KSR2: variants seen among roughly 807,000 people sequenced by gnomAD.
The protein encoded by KSR2 is kinase suppressor of ras 2.
Under a neutral mutation model 107.8 loss-of-function variants are expected in KSR2, and 25 were observed. That is an observed-to-expected ratio of 0.23 (90% CI 0.17 to 0.32). The LOEUF is 0.32. KSR2 is among the 10% of genes least tolerant of loss of function. KSR2 has a pLI of 1.00. For missense variants in KSR2, 887 were observed against 1,268.9 expected (o/e 0.70, Z 4.57); for synonymous variants, 480 against 507.0 (o/e 0.95, Z 0.71).
At chr12:117,572,794 A>C (rs969788884) in intron 7 of KSR2, among the ~76,000 whole-genome samples, 1 of 152,022 alleles carries the variant, frequency 6.6e-6, no homozygotes, top group East Asian at 1.9e-4. Context: ...CACGTTGTGC[A>C]TTTTCCTGCA....
At chr12:117,692,996 G>C (rs749125300) in intron 4 of KSR2, among the ~76,000 whole-genome samples, 4 of 152,192 alleles carry the variant, frequency 2.6e-5, no homozygotes, top group Non-Finnish European at 5.9e-5. Flanking sequence ...GTGCAACACT[G>C]TGACTGTACC....
intron 4 of KSR2, among the ~76,000 whole-genome samples, chr12:117,750,977 T>C (rs1342370024): frequency 6.6e-6 from 1 of 152,162 alleles, no homozygotes; most frequent in Non-Finnish European, 1.5e-5. Context: ...TAAGAGTACA[T>C]GTGAAGCTGT....
At chr12:117,922,417 C>T (rs1895371584) in intron 1 of KSR2, among the ~76,000 whole-genome samples, 1 of 152,198 alleles carries the variant, frequency 6.6e-6, no homozygotes, top group Admixed American at 6.5e-5. Context: ...GCACCGTTCA[C>T]ATATATTAGC....
chr12:117,814,657 G>A (rs1237372291), intron 3 of KSR2, among the ~76,000 whole-genome samples: 3 of 152,180 alleles, frequency 2.0e-5, no homozygotes, highest in African/African-American at 7.2e-5. Flanking sequence ...CCTCCACAGA[G>A]GCTCCATTCA....
intron 8 of KSR2, among the ~76,000 whole-genome samples, chr12:117,555,822 G>C (rs560069007): frequency 5.5e-4 from 84 of 152,316 alleles, no homozygotes; most frequent in African/African-American, 1.9e-3. Context: ...CTAAATAAAT[G>C]CTTCCTGATC....
chr12:117,480,521 G>A (rs1049926409), intron 16 of KSR2, among the ~76,000 whole-genome samples: 4 of 152,208 alleles, frequency 2.6e-5, no homozygotes, highest in African/African-American at 2.4e-5. Flanking sequence ...CGGCAGAACA[G>A]CTGGATGCTG....
At chr12:117,886,109 A>C (rs533689733) in intron 1 of KSR2, among the ~76,000 whole-genome samples, 3,546 of 151,302 alleles carry the variant, frequency 0.023, 139 homozygotes, top group African/African-American at 0.081. Flanking sequence ...AAAAAAAAAA[A>C]CCTGCACATT....
intron 1 of KSR2, among the ~76,000 whole-genome samples, chr12:117,930,942 A>C (rs1479328552): frequency 6.6e-6 from 1 of 152,092 alleles, no homozygotes; most frequent in East Asian, 1.9e-4. Flanking sequence ...ATAAATAAAT[A>C]AATAGGGTTG....
intron 4 of KSR2, among the ~76,000 whole-genome samples, chr12:117,679,280 A>C (rs921861579): frequency 1.2e-4 from 18 of 152,228 alleles, no homozygotes; most frequent in African/African-American, 4.3e-4. Flanking sequence ...TCCAGGTACC[A>C]GCTCCCCATG....
At chr12:117,580,833 G>A (rs1218767991) in intron 6 of KSR2, among the ~76,000 whole-genome samples, 1 of 151,910 alleles carries the variant, frequency 6.6e-6, no homozygotes, top group Non-Finnish European at 1.5e-5. Flanking sequence ...GGGCCGAGCT[G>A]AGCCAGAGGA....
intron 4 of KSR2, among the ~76,000 whole-genome samples, chr12:117,698,219 T>C (rs1886151431): frequency 6.6e-6 from 1 of 152,210 alleles, no homozygotes; most frequent in Admixed American, 6.5e-5. Flanking sequence ...TTATGGTACT[T>C]TGTTACAGCA....
Position 117,761,977 on chromosome 12 carries a change from C to T in KSR2, c.473-453G>A, listed in dbSNP as rs1889053044. Among the ~76,000 whole-genome samples the T allele has an allele frequency of 2.6e-5, 4 of 152,162 alleles. No individual in the cohort carries two copies. In the South Asian group the frequency reaches 6.2e-4, roughly 24 times the overall value. Reference sequence around the variant, plus strand: ...TGCATGTTACATCATACCCACATTACATCATAAGTACATTTACATAAAGCC... The same window carrying T: ...TGCATGTTACATCATACCCACATTATATCATAAGTACATTTACATAAAGCC... On this transcript the variant is annotated intron_variant, in intron 3 of 19. Transcript: ENST00000339824.
chr12:117,634,368 A>G (rs1882953400), intron 5 of KSR2, among the ~76,000 whole-genome samples: 1 of 152,208 alleles, frequency 6.6e-6, no homozygotes, highest in Admixed American at 6.5e-5. Context: ...AAGCCATTGC[A>G]TGCATCAGAT....
chr12:117,651,828 A>G (rs55687038), intron 5 of KSR2, among the ~76,000 whole-genome samples: 14,098 of 152,182 alleles, frequency 0.093, 963 homozygotes, highest in East Asian at 0.3. Context: ...CAGCACCTAC[A>G]TCTTTGAAGA....
chr12:117,916,268 C>G (rs1024173863), intron 1 of KSR2, among the ~76,000 whole-genome samples: 1 of 151,396 alleles, frequency 6.6e-6, no homozygotes, highest in African/African-American at 2.4e-5. Context: ...TCTTGAGTAG[C>G]CGGGACCACA....
At chr12:117,831,579 G>A (rs1217925110) in intron 3 of KSR2, among the ~76,000 whole-genome samples, 3 of 152,178 alleles carry the variant, frequency 2.0e-5, no homozygotes, top group Non-Finnish European at 2.9e-5. Flanking sequence ...ATCATATAGC[G>A]AAGACACCTA....
intron 1 of KSR2, among the ~76,000 whole-genome samples, chr12:117,866,765 G>T: frequency 6.6e-6 from 1 of 152,098 alleles, no homozygotes; most frequent in Non-Finnish European, 1.5e-5. Flanking sequence ...GGAGGCGGAG[G>T]TTGCAGTGAC....
intron 3 of KSR2, among the ~76,000 whole-genome samples, chr12:117,789,383 C>T (rs1022631737): frequency 2.0e-5 from 3 of 152,178 alleles, no homozygotes; most frequent in African/African-American, 7.2e-5. Flanking sequence ...CTTTCAGATT[C>T]GAATTCAGGC....
chr12:117,770,096 G>C (rs1220463100), intron 3 of KSR2, among the ~76,000 whole-genome samples: 1 of 151,782 alleles, frequency 6.6e-6, no homozygotes, highest in African/African-American at 2.4e-5. Flanking sequence ...TCCTGGTCTT[G>C]GCAGGTGCTA....
Sources: allele counts gnomAD v4.1 joint callset (sites outside exome capture counted in the v4.1 genomes callset), GRCh38; gene constraint gnomAD v4.1.1; transcripts MANE v1.5; gene names NCBI Gene and HGNC (gene_info 2026-07-23, HGNC 2026-07-21).